The following ART3 variants were observed in gnomAD, a reference collection of about 807,000 sequenced individuals.
ART3 encodes ADP-ribosyltransferase 3 (inactive).
In ART3, 49 loss-of-function variants were observed where a neutral mutation model predicts 48.5. The observed-to-expected ratio is 1.01, with a 90% CI of 0.80 to 1.28. The LOEUF is 1.28. Ranked by LOEUF, ART3 falls within the 50% of genes most tolerant of loss-of-function variation. The pLI, the probability that ART3 is intolerant of heterozygous loss-of-function variation, is 0.00. For synonymous variants in ART3, 145 were observed against 157.2 expected (o/e 0.92, Z 0.58); for missense variants, 438 against 454.3 (o/e 0.96, Z 0.33).
intron 2 of ART3, among the ~76,000 whole-genome samples, chr4:76,076,642 A>G (rs1420007740): frequency 6.6e-6 from 1 of 152,312 alleles, no homozygotes; most frequent in African/African-American, 2.4e-5. Context: ...ACTATGCTGC[A>G]TGTCACGCAT....
chr4:76,078,544 C>A (rs549043003), intron 2 of ART3, among the ~76,000 whole-genome samples: 1 of 152,226 alleles, frequency 6.6e-6, no homozygotes, highest in South Asian at 2.1e-4. Context: ...ACCTACAAAC[C>A]CAGGACTACG....
chr4:76,050,993 G>A (rs1201176498), intron 1 of ART3, among the ~76,000 whole-genome samples: 2 of 152,238 alleles, frequency 1.3e-5, no homozygotes, highest in Non-Finnish European at 2.9e-5. Context: ...AACTCCAGCT[G>A]GCCTGCAAGC....
intron 3 of ART3, among the ~76,000 whole-genome samples, chr4:76,091,021 TTGC>T (rs1724768242): frequency 6.6e-6 from 1 of 152,250 alleles, no homozygotes; most frequent in South Asian, 2.1e-4. Flanking sequence ...ATTCTCTTTT[TTGC>T]CTGGCTTCTT....
At chr4:76,100,937 G>T (rs1291149920) in intron 7 of ART3, 53 bp from the exon 8 acceptor site, 2 of 1,607,496 alleles carry the variant, frequency 1.2e-6, no homozygotes, top group East Asian at 2.2e-5. Flanking sequence ...TATAGTAACT[G>T]CCAATTCTTT....
At position 76,031,352 on chromosome 4, in the gene ART3, G is replaced by A. The variant is rs568350420; in HGVS notation, c.-10+20032G>A. ...CTAAAAATATAATGAAGATCAAACA[G>A]AGAAATGTTAAAAAAAAATTGTAAA... On this transcript the variant is annotated intron_variant, in intron 1 of 9. Transcript: ENST00000341029. Among the ~76,000 whole-genome samples the A allele has an allele frequency of 5.7e-5, 6 of 105,214 alleles. No homozygotes were observed. In the South Asian group the frequency reaches 1.7e-3, roughly 30 times the overall value. 69.0% of individuals were successfully genotyped at this position (105,214 alleles called of 152,430 possible).
At chr4:76,110,745 A>G (rs1308810567) in intron 11 of ART3, among the ~76,000 whole-genome samples, 1 of 152,176 alleles carries the variant, frequency 6.6e-6, no homozygotes, top group Non-Finnish European at 1.5e-5. Flanking sequence ...CCACTTATAC[A>G]TGGATTTTTT....
intron 1 of ART3, among the ~76,000 whole-genome samples, chr4:76,042,583 A>G (rs1001805549): frequency 7.9e-5 from 12 of 152,120 alleles, no homozygotes; most frequent in South Asian, 2.1e-4. Context: ...GAATGAAGCC[A>G]CGGACCCTCG....
At chr4:76,024,072 A>G (rs1355371356) in intron 1 of ART3, among the ~76,000 whole-genome samples, 1 of 152,198 alleles carries the variant, frequency 6.6e-6, no homozygotes, top group African/African-American at 2.4e-5. Flanking sequence ...TCATAACACC[A>G]TTAGATTAAG....
intron 10 of ART3, 104 bp downstream of exon 10, chr4:76,104,733 C>A: frequency 7.3e-7 from 1 of 1,364,052 alleles, no homozygotes. Context: ...TGTCATCTAT[C>A]AAATGTAGCC....
chr4:76,103,829 CTTTTTT>C, intron 8 of ART3, 102 bp from the exon 9 acceptor site: 1 of 775,760 alleles, frequency 1.3e-6, no homozygotes, highest in South Asian at 2.4e-5. Context: ...TTCCCCCTGC[CTTTTTT>C]TTTTTTTGAA....
chr4:76,105,256 C>G (rs185677403), intron 10 of ART3, among the ~76,000 whole-genome samples: 1 of 152,130 alleles, frequency 6.6e-6, no homozygotes, highest in Non-Finnish European at 1.5e-5. Context: ...AGGCAGCCAC[C>G]GAGCATGGTG....
At chr4:76,100,648 A>T (rs1578581084) in intron 6 of ART3, 147 bp from the exon 7 acceptor site, 3 of 926,872 alleles carry the variant, frequency 3.2e-6, no homozygotes, top group Non-Finnish European at 4.9e-6. Flanking sequence ...AAAAAAAAAA[A>T]TTCTGGGGGC....
At chr4:76,106,623 T>C (rs1347498070) in intron 10 of ART3, among the ~76,000 whole-genome samples, 1 of 152,218 alleles carries the variant, frequency 6.6e-6, no homozygotes, top group Non-Finnish European at 1.5e-5. Context: ...AGTCTGCTTT[T>C]AGCTTCCCTA....
chr4:76,042,103 A>G (rs998182463), intron 1 of ART3, among the ~76,000 whole-genome samples: 1 of 152,226 alleles, frequency 6.6e-6, no homozygotes, highest in Non-Finnish European at 1.5e-5. Flanking sequence ...TCTAGTTTCC[A>G]TAAGTAATCA....
chr4:76,088,610 T>G (rs1724143525), intron 3 of ART3, among the ~76,000 whole-genome samples: 1 of 152,184 alleles, frequency 6.6e-6, no homozygotes, highest in Non-Finnish European at 1.5e-5. Context: ...ATTGGCACCT[T>G]TCTTTAGCAT....
In ART3 at chr4:76,081,941, CA is replaced by C; in HGVS notation, c.188del (p.His63ProfsTer4). On this transcript the variant is annotated frameshift_variant, in exon 3 of 12. Coordinates refer to ENST00000355810, the MANE Select transcript of ART3 (RefSeq NM_001130016.3). LOFTEE classifies it high-confidence loss of function. ...ACTGCTAAAGGAGGAAAAAGCAAGC[CA>C]CCAGCAATTAGATACTGTGTGGGAA... is the stretch of plus-strand genomic sequence containing the variant. ...PQLLKEEKASHQQLDTVWENA... is the reference protein window; with the variant it reads ...PQLLKEEKASXQQLDTVWENA... The C allele has an allele frequency of 6.2e-7, 1 of 1,614,120 alleles. No homozygotes were observed. Among genetic ancestry groups the C allele is most frequent in the African/African-American group, 1.3e-5 (1 of 75,020 alleles).
intron 1 of ART3, among the ~76,000 whole-genome samples, chr4:76,020,425 A>G (rs1172207753): frequency 6.6e-6 from 1 of 152,144 alleles, no homozygotes; most frequent in Non-Finnish European, 1.5e-5. Context: ...ATCTATGGGA[A>G]TTCTTTACAT....
chr4:76,112,171 A>G (rs1729620458), intron 11 of ART3, among the ~76,000 whole-genome samples: 1 of 152,260 alleles, frequency 6.6e-6, no homozygotes, highest in East Asian at 1.9e-4. Context: ...TTGGCACCCC[A>G]ACACCCGTAT....
chr4:76,059,177 A>C (rs1443935169), intron 1 of ART3, among the ~76,000 whole-genome samples: 1 of 97,594 alleles, frequency 1.0e-5, no homozygotes, highest in Non-Finnish European at 2.1e-5. Context: ...TTCACAATGT[A>C]TGGAGAAACC....
Sources: gnomAD v4.1 joint callset for allele counts (sites outside exome capture counted in the v4.1 genomes callset) on GRCh38, gnomAD v4.1.1 for gene constraint, MANE v1.5 for transcripts, NCBI Gene and HGNC (gene_info 2026-07-23, HGNC 2026-07-21) for gene names.